The following ELF2 variants were observed in gnomAD, a reference collection of about 807,000 sequenced individuals.
ELF2 encodes ETS-related transcription factor Elf-2.
A neutral mutation model predicts 54.8 loss-of-function variants in ELF2; 11 were observed. The observed-to-expected ratio is 0.20, with a 90% CI of 0.13 to 0.33. ELF2 has a LOEUF of 0.33. ELF2 is among the 10% of genes least tolerant of loss of function. The pLI is 1.00. For missense variants in ELF2, 513 were observed against 703.0 expected, an observed-to-expected ratio of 0.73 and a Z score of 3.06; for synonymous variants, 203 against 245.1, an observed-to-expected ratio of 0.83 and a Z score of 1.61.
intron 3 of ELF2, among the ~76,000 whole-genome samples, chr4:139,132,231 G>C (rs1336598894): frequency 6.6e-6 from 1 of 152,076 alleles, no homozygotes; most frequent in South Asian, 2.1e-4. Context: ...GCCAGTAACA[G>C]GTAATTTGAC....
chr4:139,177,324 C>T (rs1266281666), upstream of ELF2: 1 of 149,838 alleles, frequency 6.7e-6, no homozygotes, highest in African/African-American at 2.5e-5. Context: ...GAGTCCGCCT[C>T]CCCCTCCCCG....
upstream of ELF2, among the ~76,000 whole-genome samples, chr4:139,177,376 CG>C (rs1743081945): frequency 6.6e-6 from 1 of 151,552 alleles, no homozygotes; most frequent in Non-Finnish European, 1.5e-5. Flanking sequence ...GGCGGGGGGG[CG>C]GGGGCGGCAC....
intron 3 of ELF2, among the ~76,000 whole-genome samples, chr4:139,136,155 G>A (rs1000669950): frequency 2.6e-5 from 4 of 152,098 alleles, no homozygotes; most frequent in African/African-American, 7.2e-5. Context: ...TAATGTCTTC[G>A]GTGAGTCATT....
intron 4 of ELF2, chr4:139,084,546 G>A (rs1731752935): frequency 1.9e-6 from 1 of 523,918 alleles, no homozygotes; most frequent in South Asian, 7.7e-5. Flanking sequence ...TTGCTCCAGA[G>A]AGCGGCCGCA....
intron 4 of ELF2, among the ~76,000 whole-genome samples, chr4:139,086,369 T>C (rs1050843646): frequency 1.3e-5 from 2 of 152,184 alleles, no homozygotes; most frequent in African/African-American, 4.8e-5. Context: ...GAGCACCAAG[T>C]AAAGCTTGGT....
At chr4:139,084,074 T>G (rs937896496) in intron 4 of ELF2, 30 of 1,610,468 alleles carry the variant, frequency 1.9e-5, no homozygotes, top group Non-Finnish European at 2.5e-5. Context: ...CACCCCGCCT[T>G]CTGTGCACCC....
chr4:139,092,451 C>CATAACATAACATAAT (rs1732766545), intron 4 of ELF2, among the ~76,000 whole-genome samples: 1 of 150,468 alleles, frequency 6.6e-6, no homozygotes, highest in African/African-American at 2.5e-5. Flanking sequence ...CATAACATAA[C>CATAACATAACATAAT]ATAACATAAC....
chr4:139,164,294 G>A (rs1045377564), intron 1 of ELF2, among the ~76,000 whole-genome samples: 1 of 152,048 alleles, frequency 6.6e-6, no homozygotes, highest in Non-Finnish European at 1.5e-5. Flanking sequence ...TTTTTCATAC[G>A]ATTAAGTTGG....
At chr4:139,151,224 A>G (rs1286374698) in intron 1 of ELF2, among the ~76,000 whole-genome samples, 1 of 152,164 alleles carries the variant, frequency 6.6e-6, no homozygotes, top group Admixed American at 6.5e-5. Flanking sequence ...TATATGAAAT[A>G]TTCCTAAAAA....
chr4:139,076,182 C>T (rs1235824124), intron 4 of ELF2, among the ~76,000 whole-genome samples: 2 of 152,112 alleles, frequency 1.3e-5, no homozygotes, highest in Non-Finnish European at 2.9e-5. Context: ...CCACAAGGTA[C>T]TGGGTCTCTC....
intron 1 of ELF2, among the ~76,000 whole-genome samples, chr4:139,151,091 A>AGAAAGAAAGAAG (rs1739942083): frequency 6.8e-6 from 1 of 147,240 alleles, no homozygotes; most frequent in Non-Finnish European, 1.5e-5. Context: ...AAAGAAAGAA[A>AGAAAGAAAGAAG]GAAAAAGAGA....
chr4:139,142,413 TGAA>T (rs57813128), intron 1 of ELF2, among the ~76,000 whole-genome samples: 45,172 of 151,588 alleles, frequency 0.3, 6,870 homozygotes, highest in Middle Eastern at 0.36. Context: ...AAAGAATAGT[TGAA>T]GAAGAGGACA....
rs776289001 is a variant in ELF2 at position 139,061,842 on chromosome 4, T to C, written c.806+23A>G. ...AAGAAATACATAAATTTTGTTTGAA[T>C]ACTAGCTCATTTGAGTTTTTACCTC... On this transcript the variant is annotated intron_variant, in intron 8 of 9. Transcript: ENST00000686138. 1.9e-6 allele frequency: 3 copies of C among 1,609,298 alleles called. No homozygotes were observed. In the South Asian group the frequency reaches 3.3e-5, roughly 18 times the overall value.
chr4:139,129,614 T>C (rs1195884368), intron 3 of ELF2, among the ~76,000 whole-genome samples: 1 of 152,218 alleles, frequency 6.6e-6, no homozygotes, highest in Non-Finnish European at 1.5e-5. Context: ...AAAAAAGAGA[T>C]TTTAATATTT....
chr4:139,094,779 TGAG>T (rs1295098086), intron 4 of ELF2, among the ~76,000 whole-genome samples: 5 of 152,260 alleles, frequency 3.3e-5, no homozygotes, highest in South Asian at 2.1e-4. Flanking sequence ...ATGAGTAAAA[TGAG>T]GAGATATGAA....
At chr4:139,136,249 G>A (rs952468602) in intron 3 of ELF2, among the ~76,000 whole-genome samples, 1 of 152,060 alleles carries the variant, frequency 6.6e-6, no homozygotes, top group African/African-American at 2.4e-5. Flanking sequence ...CTGCAGCTGT[G>A]GCTTCTCTTA....
intron 4 of ELF2, among the ~76,000 whole-genome samples, chr4:139,108,734 G>A (rs771991056): frequency 6.6e-6 from 1 of 151,988 alleles, no homozygotes; most frequent in Non-Finnish European, 1.5e-5. Flanking sequence ...CCTGCTCTGA[G>A]AACAGACTTG....
intron 4 of ELF2, among the ~76,000 whole-genome samples, chr4:139,104,629 A>T (rs1231933191): frequency 6.6e-6 from 1 of 152,196 alleles, no homozygotes; most frequent in African/African-American, 2.4e-5. Flanking sequence ...CAATTACTGC[A>T]AACAGGCTGA....
intron 4 of ELF2, among the ~76,000 whole-genome samples, chr4:139,087,428 C>T (rs905217696): frequency 1.1e-4 from 17 of 152,146 alleles, no homozygotes; most frequent in Non-Finnish European, 2.4e-4. Flanking sequence ...CAGCTAGTCT[C>T]TTCTAATGGG....
Sources: allele counts gnomAD v4.1 joint callset (sites outside exome capture counted in the v4.1 genomes callset), GRCh38; gene constraint gnomAD v4.1.1; transcripts MANE v1.5; gene names NCBI Gene and HGNC (gene_info 2026-07-23, HGNC 2026-07-21).